CDH13: variants seen among roughly 807,000 people sequenced by gnomAD.
CDH13 encodes the protein cadherin 13, also known as cadherin-13.
In CDH13, 24 loss-of-function variants were observed where a neutral mutation model predicts 63.8. The ratio of observed to expected loss-of-function variants is 0.38; its 90% confidence interval spans 0.27 to 0.53. The LOEUF (loss-of-function observed/expected upper bound fraction) is 0.53, where lower values mean the gene tolerates loss of function less well. Ranked by LOEUF, CDH13 falls within the 20% of genes least tolerant of loss-of-function variation. CDH13 has a pLI of 0.85. For synonymous variants in CDH13, 503 were observed against 355.3 expected (o/e 1.42, Z -4.67); for missense variants, 1,049 against 903.1 (o/e 1.16, Z -2.07).
intron 5 of CDH13, among the ~76,000 whole-genome samples, chr16:83,241,547 CATT>C (rs1904449475): frequency 6.6e-6 from 1 of 152,156 alleles, no homozygotes; most frequent in Non-Finnish European, 1.5e-5. Flanking sequence ...AGTGACACCT[CATT>C]ATGGTTTTGA....
At chr16:83,003,167 C>T (rs890302905) in intron 2 of CDH13, among the ~76,000 whole-genome samples, 1 of 152,160 alleles carries the variant, frequency 6.6e-6, no homozygotes, top group Non-Finnish European at 1.5e-5. Context: ...TCTGTGTGTT[C>T]AGTCCCATAT....
chr16:82,953,424 C>G (rs1056870705), intron 2 of CDH13: 3 of 152,122 alleles, frequency 2.0e-5, no homozygotes, highest in African/African-American at 7.2e-5. Flanking sequence ...CAATGAAGGT[C>G]TGCAAGCTAT....
At chr16:83,794,439 G>C (rs377025518) in intron 13 of CDH13, among the ~76,000 whole-genome samples, 3 of 152,298 alleles carry the variant, frequency 2.0e-5, no homozygotes, top group Admixed American at 6.5e-5. Context: ...TGTAGTCCCA[G>C]CTCCTCCGGA....
chr16:83,020,574 C>T (rs1431495645), intron 2 of CDH13, among the ~76,000 whole-genome samples: 1 of 152,198 alleles, frequency 6.6e-6, no homozygotes, highest in Non-Finnish European at 1.5e-5. Context: ...AACAAAATAA[C>T]AGTGCTTGAA....
At chr16:82,935,182 A>C (rs1384376577) in intron 2 of CDH13, among the ~76,000 whole-genome samples, 1 of 152,174 alleles carries the variant, frequency 6.6e-6, no homozygotes, top group Non-Finnish European at 1.5e-5. Context: ...TGGGGAAGCA[A>C]ATACGTTCAT....
chr16:82,967,403 C>G (rs559270215), intron 2 of CDH13, among the ~76,000 whole-genome samples: 4 of 152,110 alleles, frequency 2.6e-5, no homozygotes, highest in African/African-American at 9.7e-5. Context: ...GTGTATGCTC[C>G]CTGGGGACTG....
rs1910643964 is a variant in CDH13 at position 83,728,233 on chromosome 16, G to A, written c.1539-19875G>A. ...TTTGATGTGCACACTGGGCCCTGGA[G>A]AGAAGGTGCCTGTTCTCACGGGCTG... On this transcript the variant is annotated intron_variant, in intron 10 of 13. Coordinates refer to ENST00000567109, the MANE Select transcript of CDH13 (RefSeq NM_001257.5). Among the ~76,000 whole-genome samples, 5 of 152,240 alleles carry A rather than the reference G, an allele frequency of 3.3e-5. No individual in the cohort carries two copies. In the South Asian group the frequency reaches 1.0e-3, roughly 32 times the overall value.
intron 7 of CDH13, among the ~76,000 whole-genome samples, chr16:83,584,960 G>A (rs541741644): frequency 1.3e-5 from 2 of 152,264 alleles, no homozygotes; most frequent in East Asian, 3.9e-4. Flanking sequence ...ACTCACTACT[G>A]TGGGGGTGGC....
chr16:83,322,863 G>C (rs955672433), intron 5 of CDH13, among the ~76,000 whole-genome samples: 1 of 152,018 alleles, frequency 6.6e-6, no homozygotes, highest in Non-Finnish European at 1.5e-5. Flanking sequence ...TCAGGAACTA[G>C]AACCACCTTC....
intron 3 of CDH13, among the ~76,000 whole-genome samples, chr16:83,125,117 G>T (rs1228878753): frequency 6.6e-6 from 1 of 152,200 alleles, no homozygotes; most frequent in East Asian, 1.9e-4. Context: ...CAAGCAATGA[G>T]GGATGAGTAA....
chr16:82,870,449 A>G (rs1023787698), intron 2 of CDH13, among the ~76,000 whole-genome samples: 2 of 152,140 alleles, frequency 1.3e-5, no homozygotes, highest in African/African-American at 4.8e-5. Context: ...ATATGGCCCA[A>G]CAGTCCCACT....
intron 6 of CDH13, among the ~76,000 whole-genome samples, chr16:83,451,430 C>A (rs528936187): frequency 5.3e-5 from 8 of 152,198 alleles, no homozygotes; most frequent in African/African-American, 9.7e-5. Flanking sequence ...CCCACCAGGT[C>A]CCATCCACAA....
chr16:82,677,446 C>CTTTTTTTTTT lies in CDH13; in HGVS notation c.45+50317_45+50326dup, dbSNP rs3041877. On this transcript the variant is annotated intron_variant, in intron 1 of 13. Coordinates refer to ENST00000567109, the MANE Select transcript of CDH13 (RefSeq NM_001257.5). ...TATACAAAGGAAAGGACTCTTCTGC[C>CTTTTTTTTTT]TTTTTTTTTTTTTTTTTGGTTTTTA... Among the ~76,000 whole-genome samples the CTTTTTTTTTT allele has an allele frequency of 5.4e-5, 7 of 130,710 alleles. 1 individual carries two copies. Among genetic ancestry groups the CTTTTTTTTTT allele is most frequent in the Non-Finnish European group, 7.9e-5 (5 of 63,426 alleles). 85.8% of individuals were successfully genotyped at this position (130,710 alleles called of 152,430 possible).
chr16:83,164,158 C>CAGG (rs2037562734), intron 4 of CDH13, among the ~76,000 whole-genome samples: 1 of 111,328 alleles, frequency 9.0e-6, no homozygotes. Flanking sequence ...TGCTTAGTGC[C>CAGG]AGCTTCAGTG....
chr16:83,329,306 A>G (rs927604108), intron 5 of CDH13, among the ~76,000 whole-genome samples: 1 of 152,008 alleles, frequency 6.6e-6, no homozygotes, highest in African/African-American at 2.4e-5. Flanking sequence ...GCTCACTGCA[A>G]CCTCTGCTTG....
intron 7 of CDH13, among the ~76,000 whole-genome samples, chr16:83,486,951 T>C (rs2073903371): frequency 6.6e-6 from 1 of 152,176 alleles, no homozygotes; most frequent in Admixed American, 6.5e-5. Flanking sequence ...ACTCTGCCTC[T>C]GGCCCCTGCT....
chr16:83,296,919 T>C (rs1199792505), intron 5 of CDH13, among the ~76,000 whole-genome samples: 1 of 152,142 alleles, frequency 6.6e-6, no homozygotes, highest in African/African-American at 2.4e-5. Context: ...ATTCCATAGA[T>C]GAAGAATAAT....
At chr16:82,746,687 A>T (rs1403363468) in intron 1 of CDH13, among the ~76,000 whole-genome samples, 1 of 152,146 alleles carries the variant, frequency 6.6e-6, no homozygotes, top group East Asian at 1.9e-4. Context: ...ATACATATAT[A>T]TACAATTTCA....
At chr16:83,118,746 A>C (rs55716896) in intron 3 of CDH13, among the ~76,000 whole-genome samples, 2,871 of 151,970 alleles carry the variant, frequency 0.019, 65 homozygotes, top group African/African-American at 0.053. Flanking sequence ...TCCTTTACAG[A>C]TGAGAAAATT....
Sources: allele counts gnomAD v4.1 joint callset (sites outside exome capture counted in the v4.1 genomes callset), GRCh38; gene constraint gnomAD v4.1.1; transcripts MANE v1.5; gene names NCBI Gene and HGNC (gene_info 2026-07-23, HGNC 2026-07-21).